The following CGGBP1 variants were observed in gnomAD, a reference collection of about 807,000 sequenced individuals.
CGGBP1 encodes CGG triplet repeat-binding protein 1.
Under a neutral mutation model 11.4 loss-of-function variants are expected in CGGBP1, and 4 were observed. That is an observed-to-expected ratio of 0.35 (90% CI 0.17 to 0.80). CGGBP1 has a LOEUF of 0.80. Ranked by LOEUF, CGGBP1 falls within the 30% of genes least tolerant of loss-of-function variation. The probability of loss-of-function intolerance (pLI) is 0.52; values close to 1 mark genes in which losing one functional copy is unlikely to be tolerated. For missense variants in CGGBP1, 135 were observed against 202.1 expected (o/e 0.67, Z 2.01); for synonymous variants, 76 against 74.1 (o/e 1.03, Z -0.13).
chr3:88,145,830 A>G (rs1707303178), intron 1 of CGGBP1, among the ~76,000 whole-genome samples: 1 of 152,324 alleles, frequency 6.6e-6, no homozygotes, highest in African/African-American at 2.4e-5. Flanking sequence ...TCACAACTCA[A>G]GGGTAAATAT....
At chr3:88,088,708 T>C (rs1708465297) in intron 2 of CGGBP1, among the ~76,000 whole-genome samples, 1 of 135,924 alleles carries the variant, frequency 7.4e-6, no homozygotes, top group African/African-American at 2.6e-5. Context: ...TTATTTAGAT[T>C]TGTAAGAGTG....
intron 2 of CGGBP1, among the ~76,000 whole-genome samples, chr3:88,122,170 T>C (rs1705808410): frequency 1.3e-5 from 2 of 152,112 alleles, no homozygotes; most frequent in Admixed American, 6.6e-5. Context: ...TGTGTAAAGA[T>C]AGGATTTAGA....
chr3:88,110,290 A>C (rs1705009493), intron 2 of CGGBP1, among the ~76,000 whole-genome samples: 1 of 152,152 alleles, frequency 6.6e-6, no homozygotes, highest in Admixed American at 6.6e-5. Context: ...ATGGGTCTGT[A>C]AAGGACCAGA....
intron 2 of CGGBP1, among the ~76,000 whole-genome samples, chr3:88,120,261 A>G (rs1705687676): frequency 6.6e-6 from 1 of 152,214 alleles, no homozygotes; most frequent in Non-Finnish European, 1.5e-5. Context: ...CAGCATTCTA[A>G]TTCTTTCTAT....
chr3:88,067,836 T>C (rs752326193), intron 2 of CGGBP1, among the ~76,000 whole-genome samples: 7 of 151,726 alleles, frequency 4.6e-5, no homozygotes, highest in Non-Finnish European at 8.8e-5. Context: ...AGGAAAGATA[T>C]GGTGGTAACT....
chr3:88,129,867 G>A, intron 2 of CGGBP1: 1 of 1,348,090 alleles, frequency 7.4e-7, no homozygotes, highest in Non-Finnish European at 9.6e-7. Flanking sequence ...GGTAAGATGG[G>A]CAACAGAAAG....
chr3:88,063,215 G>T (rs1418380779), upstream of CGGBP1, among the ~76,000 whole-genome samples: 2 of 152,152 alleles, frequency 1.3e-5, no homozygotes, highest in African/African-American at 2.4e-5. Context: ...TAACAACAAA[G>T]AATTATCTGG....
rs111839491 is a variant in CGGBP1, at chr3:88,082,463, A to G, written c.-228-24240T>C. On this transcript the variant is annotated intron_variant, in intron 2 of 3. Coordinates refer to the CGGBP1 transcript ENST00000462901. Reference sequence around the variant, plus strand: ...TTAAAAGTGGCTGGATTCGCTGTAAACAAATGATGAACTTAATATTAGTGA... The same window carrying G: ...TTAAAAGTGGCTGGATTCGCTGTAAGCAAATGATGAACTTAATATTAGTGA... Among the ~76,000 whole-genome samples the G allele has an allele frequency of 1.3e-3, 205 of 152,340 alleles. 1 individual carries two copies. The highest frequency in any genetic ancestry group is 4.8e-3 in the African/African-American group (200 of 41,562).
chr3:88,089,347 C>T (rs2107673246), intron 2 of CGGBP1, among the ~76,000 whole-genome samples: 1 of 151,710 alleles, frequency 6.6e-6, no homozygotes, highest in South Asian at 2.1e-4. Flanking sequence ...AAAAATTAGC[C>T]AGGCGTGGTG....
chr3:88,113,730 C>T (rs1414041781), intron 2 of CGGBP1, among the ~76,000 whole-genome samples: 2 of 152,092 alleles, frequency 1.3e-5, no homozygotes, highest in Non-Finnish European at 2.9e-5. Context: ...CCCTGACCCA[C>T]TCGGTGAAGT....
intron 2 of CGGBP1, chr3:88,140,736 G>C: frequency 6.2e-7 from 1 of 1,613,720 alleles, no homozygotes; most frequent in East Asian, 2.2e-5. Flanking sequence ...CACCTTGCCA[G>C]TATCTCAGGC....
chr3:88,088,459 A>C (rs1708450184), intron 2 of CGGBP1, among the ~76,000 whole-genome samples: 2 of 152,222 alleles, frequency 1.3e-5, no homozygotes, highest in African/African-American at 4.8e-5. Flanking sequence ...TAAAAACATC[A>C]GTATCACGCT....
intron 2 of CGGBP1, among the ~76,000 whole-genome samples, chr3:88,072,092 A>G (rs1707548435): frequency 6.6e-6 from 1 of 152,210 alleles, no homozygotes. Context: ...TAAGAAAATA[A>G]TAGGTACTGT....
At chr3:88,104,429 C>A (rs1364772333) in intron 2 of CGGBP1, among the ~76,000 whole-genome samples, 1 of 152,144 alleles carries the variant, frequency 6.6e-6, no homozygotes, top group Non-Finnish European at 1.5e-5. Context: ...GCCATAAACA[C>A]TACATAAATT....
intron 2 of CGGBP1, among the ~76,000 whole-genome samples, chr3:88,066,276 C>T (rs754292606): frequency 3.3e-5 from 5 of 152,152 alleles, no homozygotes; most frequent in African/African-American, 4.8e-5. Flanking sequence ...TACATTGCTT[C>T]AGAAAATCTA....
At position 88,054,823 on chromosome 3, in the gene CGGBP1, A is replaced by T. The variant is rs1341785967; in HGVS notation, c.*650T>A. ...CCTTGGCTTTTGGCATTGACGTTGA[A>T]AGATTTTAGTCTTTTGGTCACTTGA... On this transcript the variant is annotated 3_prime_UTR_variant, in exon 4 of 4. Transcript: ENST00000482016. The T allele has an allele frequency of 2.0e-5, 3 of 152,654 alleles. No homozygotes were observed. The highest frequency in any genetic ancestry group is 4.8e-5 in the African/African-American group (2 of 41,452). 9.5% of individuals were successfully genotyped at this position (152,654 alleles called of 1,614,324 possible).
intron 2 of CGGBP1, among the ~76,000 whole-genome samples, chr3:88,115,517 T>C (rs902041440): frequency 1.3e-5 from 2 of 152,200 alleles, no homozygotes; most frequent in African/African-American, 4.8e-5. Context: ...GTGAAGGGTA[T>C]GGGTTCTCAA....
intron 2 of CGGBP1, among the ~76,000 whole-genome samples, chr3:88,133,655 G>A (rs1706597081): frequency 1.3e-5 from 2 of 152,080 alleles, no homozygotes; most frequent in South Asian, 4.1e-4. Context: ...GAGTTCCTGA[G>A]ATTCAAATCC....
intron 2 of CGGBP1, among the ~76,000 whole-genome samples, chr3:88,131,528 C>T (rs1706464938): frequency 6.6e-6 from 1 of 152,100 alleles, no homozygotes; most frequent in Non-Finnish European, 1.5e-5. Context: ...AACACACACA[C>T]AAACCCAGAA....
Sources: gnomAD v4.1 joint callset for allele counts (sites outside exome capture counted in the v4.1 genomes callset) on GRCh38, gnomAD v4.1.1 for gene constraint, MANE v1.5 for transcripts, NCBI Gene and HGNC (gene_info 2026-07-23, HGNC 2026-07-21) for gene names.